Variants in UNC80 observed in about 807,000 individuals in gnomAD.
UNC80 encodes unc-80 subunit of NALCN channel complex, also known as protein unc-80 homolog.
A neutral mutation model predicts 384.6 loss-of-function variants in UNC80; 164 were observed. The observed-to-expected ratio is 0.43, with a 90% confidence interval of 0.38 to 0.49. UNC80 has a LOEUF of 0.49. Among genes scored for constraint, UNC80 ranks in the 20% least tolerant of loss-of-function variants. UNC80 has a pLI of 0.00. For missense variants in UNC80, 3,330 were observed against 4,143.0 expected (o/e 0.80, Z 5.39); for synonymous variants, 1,486 against 1,527.8 (o/e 0.97, Z 0.64).
chr2:209,984,980 G>C (rs1040910778), intron 61 of UNC80, 68 bp downstream of exon 61: 6 of 1,334,352 alleles, frequency 4.5e-6, no homozygotes, highest in Non-Finnish European at 6.2e-6. Flanking sequence ...TGTCTCCTCT[G>C]TCTCTCTGTC....
At chr2:209,844,464 T>TTTCCTTCC (rs2082002590) in intron 21 of UNC80, among the ~76,000 whole-genome samples, 1 of 58,370 alleles carries the variant, frequency 1.7e-5, no homozygotes, top group African/African-American at 4.3e-5. Flanking sequence ...TCTTTCTTTC[T>TTTCCTTCC]TTCTTTCTTT....
chr2:209,771,867 C>G lies in UNC80; in HGVS notation c.-206C>G, dbSNP rs2076592062. The G allele has an allele frequency of 1.1e-5, 6 of 568,992 alleles. No homozygotes were observed. In the Admixed American group the frequency reaches 1.4e-4, roughly 14 times the overall value. 35.2% of individuals were successfully genotyped at this position (568,992 alleles called of 1,614,324 possible). A position where few individuals can be genotyped will look rare whatever the true frequency, so the allele number is the denominator to read the frequency against. The stretch of plus-strand genomic sequence containing the variant: ...CCCCCCTCCTCGCTCCGCGGCTCCT[C>G]CAGCCCTCCCCTCCTCCCGCAGCCA... On this transcript the variant is annotated 5_prime_UTR_variant, in exon 1 of 65. Transcript: ENST00000673920.
intron 33 of UNC80, 30 bp from the exon 34 acceptor site, chr2:209,921,470 T>C (rs1167312948): frequency 6.5e-7 from 1 of 1,527,148 alleles, no homozygotes; most frequent in East Asian, 2.5e-5. Flanking sequence ...AGAATTGCTA[T>C]TAAATGAACT....
intron 22 of UNC80, among the ~76,000 whole-genome samples, chr2:209,856,761 C>T (rs560178068): frequency 2.3e-4 from 34 of 149,784 alleles, no homozygotes; most frequent in Admixed American, 1.1e-3. Flanking sequence ...TTTTTGTTTA[C>T]TTATTTATTT....
intron 28 of UNC80, among the ~76,000 whole-genome samples, chr2:209,899,908 A>G (rs575409707): frequency 5.9e-4 from 90 of 152,340 alleles, no homozygotes; most frequent in African/African-American, 2.1e-3. Flanking sequence ...TACAGGGACT[A>G]GACTATTCAG....
At position 209,881,967 on chromosome 2, in the gene UNC80, T is replaced by C. The variant is rs565976421; in HGVS notation, c.4110+873T>C. Among the ~76,000 whole-genome samples the C allele has an allele frequency of 3.0e-4, 44 of 148,060 alleles. 1 individual carries two copies. In the East Asian group the frequency reaches 5.9e-3, roughly 20 times the overall value. On this transcript the variant is annotated intron_variant, in intron 25 of 64. Transcript: ENST00000673920. ...CCACAATCCACCACCTCTCCTTCTT[T>C]TTTTTTTTTTTTTTTTTGAGACGGA... is the stretch of plus-strand genomic sequence containing the variant.
chr2:209,771,914 TG>T lies in UNC80; in HGVS notation c.-153del. On this transcript the variant is annotated 5_prime_UTR_variant, in exon 1 of 65. The change abolishes the stop of an existing upstream ORF in the 5' untranslated region. Transcript: ENST00000673920. Reference sequence around the variant, plus strand: ...GCCATGTTCCACGCGCGGGGAGGGGTGGGGGGAGGGGAGAGGCACGGGGGAT... The same window carrying T: ...GCCATGTTCCACGCGCGGGGAGGGGTGGGGGAGGGGAGAGGCACGGGGGAT... The T allele has an allele frequency of 7.3e-6, 4 of 546,650 alleles. No homozygotes were observed. Among genetic ancestry groups the T allele is most frequent in the Non-Finnish European group, 1.4e-5 (4 of 287,820 alleles). 33.9% of individuals were successfully genotyped at this position (546,650 alleles called of 1,614,324 possible).
intron 22 of UNC80, among the ~76,000 whole-genome samples, chr2:209,870,048 G>T (rs987218245): frequency 1.3e-5 from 2 of 152,082 alleles, no homozygotes; most frequent in African/African-American, 4.8e-5. Flanking sequence ...TTCATCTATT[G>T]TTAATCCTCT....
At chr2:209,875,655 C>G (rs920416937) in intron 23 of UNC80, among the ~76,000 whole-genome samples, 2 of 152,162 alleles carry the variant, frequency 1.3e-5, no homozygotes, top group African/African-American at 4.8e-5. Flanking sequence ...ACATTATTTC[C>G]TCTCACAAAA....
intron 21 of UNC80, among the ~76,000 whole-genome samples, chr2:209,846,299 CA>C (rs1057235119): frequency 4.6e-5 from 7 of 152,066 alleles, no homozygotes; most frequent in Admixed American, 4.6e-4. Flanking sequence ...ATTGAAATTA[CA>C]TTCAGAAATC....
At chr2:209,822,281 A>G (rs766408567) in intron 13 of UNC80, among the ~76,000 whole-genome samples, 2 of 152,228 alleles carry the variant, frequency 1.3e-5, no homozygotes, top group Admixed American at 1.3e-4. Context: ...ACTGAGGACA[A>G]TGCAAGGAAC....
At chr2:209,816,032 A>C (rs1219222869) in intron 9 of UNC80, among the ~76,000 whole-genome samples, 2 of 152,242 alleles carry the variant, frequency 1.3e-5, no homozygotes, top group Non-Finnish European at 2.9e-5. Flanking sequence ...AGAACACAGA[A>C]CACGATATTA....
chr2:209,816,828 G>A, intron 9 of UNC80, 81 bp from the exon 10 acceptor site: 2 of 1,276,528 alleles, frequency 1.6e-6, no homozygotes, highest in South Asian at 2.7e-5. Context: ...GTATTTTACT[G>A]CAGATCATGG....
At chr2:209,918,970 T>G (rs955156099) in intron 33 of UNC80, among the ~76,000 whole-genome samples, 1 of 152,310 alleles carries the variant, frequency 6.6e-6, no homozygotes, top group South Asian at 2.1e-4. Context: ...ACGAACATAC[T>G]TATTTAACCA....
chr2:209,792,377 T>G (rs1294184017), intron 6 of UNC80, among the ~76,000 whole-genome samples: 1 of 152,246 alleles, frequency 6.6e-6, no homozygotes, highest in African/African-American at 2.4e-5. Flanking sequence ...AGACGGAGTC[T>G]CACTCTGTTG....
intron 4 of UNC80, among the ~76,000 whole-genome samples, chr2:209,781,725 T>C (rs1476876): frequency 0.15 from 22,311 of 152,192 alleles, 2,465 homozygotes; most frequent in African/African-American, 0.3. Flanking sequence ...AGACTTCCTC[T>C]GACTTCATTT....
intron 48 of UNC80, among the ~76,000 whole-genome samples, chr2:209,956,570 T>A (rs977915296): frequency 4.7e-5 from 7 of 150,268 alleles, no homozygotes; most frequent in African/African-American, 1.0e-4. Flanking sequence ...CCTTTTTTTT[T>A]TAAATTTTTT....
chr2:209,914,590 C>T (rs1349813262), intron 31 of UNC80, among the ~76,000 whole-genome samples: 1 of 143,744 alleles, frequency 7.0e-6, no homozygotes, highest in African/African-American at 2.6e-5. Flanking sequence ...CCTCCCAGCA[C>T]CATTCCTTTC....
At chr2:209,881,196 T>A in intron 25 of UNC80, 102 bp downstream of exon 25, 1 of 1,300,892 alleles carries the variant, frequency 7.7e-7, no homozygotes, top group Non-Finnish European at 1.0e-6. Flanking sequence ...CCATGGCTAG[T>A]GTATCACATA....
Sources: allele counts gnomAD v4.1 joint callset (sites outside exome capture counted in the v4.1 genomes callset), GRCh38; gene constraint gnomAD v4.1.1; transcripts MANE v1.5; gene names NCBI Gene and HGNC (gene_info 2026-07-23, HGNC 2026-07-21).